ZBTB16: variants seen among roughly 807,000 people sequenced by gnomAD.
ZBTB16 encodes zinc finger and BTB domain-containing protein 16.
A neutral mutation model predicts 56.8 loss-of-function variants in ZBTB16; 8 were observed. The ratio of observed to expected loss-of-function variants is 0.14; its 90% CI spans 0.08 to 0.25. ZBTB16 has a LOEUF of 0.25. Among genes scored for constraint, ZBTB16 ranks in the 10% least tolerant of loss-of-function variants. ZBTB16 has a pLI of 1.00. For missense variants in ZBTB16, 625 were observed against 903.0 expected (o/e 0.69, Z 3.95); for synonymous variants, 363 against 368.5 (o/e 0.98, Z 0.17).
chr11:114,129,489 G>T (rs1418476654), intron 2 of ZBTB16, among the ~76,000 whole-genome samples: 1 of 152,170 alleles, frequency 6.6e-6, no homozygotes, highest in East Asian at 1.9e-4. Flanking sequence ...CCTTACGCAG[G>T]CTCCCAGCAC....
At chr11:114,219,015 C>T (rs1158202972) in intron 4 of ZBTB16, among the ~76,000 whole-genome samples, 11 of 151,316 alleles carry the variant, frequency 7.3e-5, no homozygotes, top group Admixed American at 5.9e-4. Context: ...AAGTGAGAGC[C>T]GTGTGTGTGT....
chr11:114,241,577 G>GA (rs1159062198), intron 4 of ZBTB16, among the ~76,000 whole-genome samples: 2 of 152,190 alleles, frequency 1.3e-5, no homozygotes, highest in African/African-American at 4.8e-5. Flanking sequence ...ACCATACGTG[G>GA]AAAAATTGCC....
chr11:114,243,399 T>C (rs1391747286), intron 5 of ZBTB16, among the ~76,000 whole-genome samples: 3 of 152,340 alleles, frequency 2.0e-5, no homozygotes, highest in Admixed American at 6.5e-5. Flanking sequence ...CTCTGCTAAA[T>C]AAGGGAAGAG....
chr11:114,230,047 T>C (rs1944405856), intron 4 of ZBTB16, among the ~76,000 whole-genome samples: 1 of 152,108 alleles, frequency 6.6e-6, no homozygotes, highest in South Asian at 2.1e-4. Flanking sequence ...AGGGTGAACG[T>C]TGGTGGTCCC....
At chr11:114,231,314 C>T (rs182779711) in intron 4 of ZBTB16, among the ~76,000 whole-genome samples, 18 of 152,218 alleles carry the variant, frequency 1.2e-4, no homozygotes, top group African/African-American at 3.6e-4. Flanking sequence ...GGTTCTCTGA[C>T]TTGCTCTCTA....
At chr11:114,084,929 G>T (rs146754739) in intron 2 of ZBTB16, among the ~76,000 whole-genome samples, 1 of 152,226 alleles carries the variant, frequency 6.6e-6, no homozygotes, top group Non-Finnish European at 1.5e-5. Context: ...TTAGTGGGCA[G>T]AGTCTAGGGG....
In ZBTB16 at chr11:114,254,591, C is replaced by T. The variant is rs369168370; in HGVS notation, c.*4036C>T. Among the ~76,000 whole-genome samples, 5 of 152,218 alleles carry T rather than the reference C, an allele frequency of 3.3e-5. No individual in the cohort carries two copies. Among genetic ancestry groups the T allele is most frequent in the Admixed American group, 6.5e-5 (1 of 15,288 alleles). ...CAGGGTAGTTTCTGGGCCTGCTTCC[C>T]GGCAAGCCGAGCTAGGGTGAAAACT... On this transcript the variant is annotated 3_prime_UTR_variant, in exon 7 of 7. Transcript: ENST00000335953.
chr11:114,196,226 C>T lies in ZBTB16; in HGVS notation c.1453+9188C>T, dbSNP rs185651882. On this transcript the variant is annotated intron_variant, in intron 4 of 6. Coordinates refer to ENST00000335953, the MANE Select transcript of ZBTB16 (RefSeq NM_006006.6). Reference sequence around the variant, plus strand: ...GGAGCACCAGGCCTGTGCCCTTCCACGTCTTAAGAGGAGGCTTCAGTGACT... The same window carrying T: ...GGAGCACCAGGCCTGTGCCCTTCCATGTCTTAAGAGGAGGCTTCAGTGACT... 1.4e-4 allele frequency among the ~76,000 whole-genome samples: 21 copies of T among 152,306 alleles called. No individual in the cohort carries two copies. In the East Asian group the frequency reaches 2.1e-3, roughly 15 times the overall value.
chr11:114,078,062 C>A (rs1243372923), intron 2 of ZBTB16, among the ~76,000 whole-genome samples: 1 of 152,116 alleles, frequency 6.6e-6, no homozygotes, highest in African/African-American at 2.4e-5. Flanking sequence ...CCAGGACCCT[C>A]TTTTAGTGGG....
chr11:114,238,329 A>G (rs1214474232), intron 4 of ZBTB16, among the ~76,000 whole-genome samples: 2 of 152,232 alleles, frequency 1.3e-5, no homozygotes, highest in African/African-American at 2.4e-5. Context: ...TCAGGCTGCT[A>G]TAACAAACTG....
At chr11:114,132,625 G>C (rs10488696) in intron 2 of ZBTB16, among the ~76,000 whole-genome samples, 1 of 152,134 alleles carries the variant, frequency 6.6e-6, no homozygotes, top group Admixed American at 6.5e-5. Flanking sequence ...AAATTGCCAA[G>C]AGCTGAGTAA....
chr11:114,137,306 C>T (rs182334941), intron 2 of ZBTB16, among the ~76,000 whole-genome samples: 8 of 152,264 alleles, frequency 5.3e-5, no homozygotes, highest in East Asian at 3.9e-4. Context: ...TTAAAGAAGC[C>T]GTTGGTCTTC....
At chr11:114,131,595 A>G (rs1283177391) in intron 2 of ZBTB16, among the ~76,000 whole-genome samples, 2 of 152,196 alleles carry the variant, frequency 1.3e-5, no homozygotes, top group African/African-American at 2.4e-5. Context: ...AGGGCCATTA[A>G]AAACCATGAG....
intron 3 of ZBTB16, among the ~76,000 whole-genome samples, chr11:114,158,080 A>G (rs1337385893): frequency 6.6e-6 from 1 of 152,028 alleles, no homozygotes; most frequent in African/African-American, 2.4e-5. Context: ...TAAGGTTCAG[A>G]GTGTGGCGGG....
intron 3 of ZBTB16, among the ~76,000 whole-genome samples, chr11:114,174,392 T>A (rs1450840920): frequency 6.6e-6 from 1 of 151,942 alleles, no homozygotes; most frequent in African/African-American, 2.4e-5. Context: ...TCAGTTTGCA[T>A]ATCTAAGGCC....
chr11:114,182,911 C>T (rs188032501), intron 3 of ZBTB16, among the ~76,000 whole-genome samples: 7 of 152,162 alleles, frequency 4.6e-5, no homozygotes, highest in South Asian at 2.1e-4. Context: ...CCTCTATTAT[C>T]GATCAAAGCT....
chr11:114,064,621 C>A lies in ZBTB16; in HGVS notation c.1268+53C>A, dbSNP rs1939044494. ...ATGTAGGACTTGAGGCCCTCACACCCCTCCTTCACACCCTGGCTGCTCCCA... is the reference window on the plus strand; with the variant it reads ...ATGTAGGACTTGAGGCCCTCACACCACTCCTTCACACCCTGGCTGCTCCCA... On this transcript the variant is annotated intron_variant, in intron 2 of 6. Transcript: ENST00000335953. The surrounding 1 kb of genome is among the most constrained non-coding windows in gnomAD (Gnocchi z 4.2). 5 of 1,600,796 alleles carry A rather than the reference C, an allele frequency of 3.1e-6. No homozygotes were observed. The South Asian group carries it at 5.5e-5, about 18-fold the overall frequency.
intron 4 of ZBTB16, among the ~76,000 whole-genome samples, chr11:114,226,151 C>T (rs1029046433): frequency 6.6e-6 from 1 of 152,068 alleles, no homozygotes; most frequent in Non-Finnish European, 1.5e-5. Context: ...AGAATTGGGA[C>T]TCAAGAAATT....
At chr11:114,127,952 C>T (rs1018811708) in intron 2 of ZBTB16, among the ~76,000 whole-genome samples, 1 of 152,128 alleles carries the variant, frequency 6.6e-6, no homozygotes, top group African/African-American at 2.4e-5. Flanking sequence ...AGGCTAGAGT[C>T]TTGGCACTGA....
Sources: allele counts gnomAD v4.1 joint callset (sites outside exome capture counted in the v4.1 genomes callset), GRCh38; gene constraint gnomAD v4.1.1; non-coding constraint Gnocchi (gnomAD v3.1); transcripts MANE v1.5; gene names NCBI Gene and HGNC (gene_info 2026-07-23, HGNC 2026-07-21).